PPFIBP1: variants seen among roughly 807,000 people sequenced by gnomAD.
PPFIBP1 encodes the protein PPFIB scaffold protein 1, also known as liprin-beta-1.
PPFIBP1 carries 112 observed loss-of-function variants against 137.8 expected under a neutral mutation model. That is an observed-to-expected ratio of 0.81 (90% CI 0.70 to 0.95). The LOEUF (loss-of-function observed/expected upper bound fraction) is 0.95, where lower values mean the gene tolerates loss of function less well. Ranked by LOEUF, PPFIBP1 falls within the 40% of genes least tolerant of loss-of-function variation. The pLI is 0.00. For synonymous variants in PPFIBP1, 378 were observed against 417.3 expected, an observed-to-expected ratio of 0.91 and a Z score of 1.15; for missense variants, 1,083 against 1,196.6, an observed-to-expected ratio of 0.91 and a Z score of 1.40.
intron 19 of PPFIBP1, 112 bp downstream of exon 19, chr12:27,677,208 G>A: frequency 7.5e-7 from 1 of 1,327,798 alleles, no homozygotes; most frequent in East Asian, 2.3e-5. Flanking sequence ...ATCAGAAAAT[G>A]TAGTTCTCTA....
rs750168275 is a variant in PPFIBP1, at chr12:27,633,350, A to AT, written c.-35-4dup. 1.3e-4 allele frequency: 209 copies of AT among 1,567,440 alleles called. No homozygotes were observed. Among genetic ancestry groups the AT allele is most frequent in the Non-Finnish European group, 7.6e-5 (86 of 1,139,046 alleles). ...ATTTAATGGATGTAATGATAACCTT[A>AT]TTTTTTTTCAGATCTGGGTTGGAAT... On this transcript the variant is annotated splice_polypyrimidine_tract_variant and intron_variant, in intron 2 of 29. Coordinates refer to ENST00000228425, the MANE Select transcript of PPFIBP1 (RefSeq NM_003622.4).
intron 1 of PPFIBP1, among the ~76,000 whole-genome samples, chr12:27,543,633 C>G (rs954011947): frequency 6.6e-6 from 1 of 152,014 alleles, no homozygotes. Context: ...ATATGCTTCA[C>G]CTAAAACATA....
chr12:27,603,418 A>G (rs1407895153), intron 2 of PPFIBP1, among the ~76,000 whole-genome samples: 1 of 152,186 alleles, frequency 6.6e-6, no homozygotes, highest in Admixed American at 6.5e-5. Flanking sequence ...TTCTGGGAAA[A>G]ATGTTTGTAT....
At chr12:27,651,975 C>T (rs1299958886) in intron 7 of PPFIBP1, among the ~76,000 whole-genome samples, 1 of 152,102 alleles carries the variant, frequency 6.6e-6, no homozygotes, top group Non-Finnish European at 1.5e-5. Context: ...CCCTGATAAT[C>T]TAATAAAAAT....
At chr12:27,674,832 T>TTTG (rs60989121) in intron 17 of PPFIBP1, among the ~76,000 whole-genome samples, 1 of 147,108 alleles carries the variant, frequency 6.8e-6, no homozygotes, top group Non-Finnish European at 1.5e-5. Flanking sequence ...TTTTTTTTTT[T>TTTG]GAAATGGTAT....
rs772346180 is a variant in PPFIBP1, at chr12:27,691,942, T to C, written c.2865+14T>C. ...CGGTTAGAGCAGGTAAATCCAACAC[T>C]GTATAACTTTTTGCGAGTTCTTCCA... On this transcript the variant is annotated intron_variant, in intron 28 of 29. Transcript: ENST00000228425. 5.7e-6 allele frequency: 9 copies of C among 1,566,748 alleles called. No individual in the cohort carries two copies. The highest frequency in any genetic ancestry group is 1.2e-5 in the South Asian group (1 of 83,108).
intron 15 of PPFIBP1, among the ~76,000 whole-genome samples, chr12:27,673,359 T>G (rs922868050): frequency 1.3e-5 from 2 of 152,222 alleles, no homozygotes; most frequent in Admixed American, 1.3e-4. Flanking sequence ...CCTTGTGAAT[T>G]GAAAAGTGAA....
intron 2 of PPFIBP1, among the ~76,000 whole-genome samples, chr12:27,622,093 TTTAA>T (rs1450521622): frequency 1.3e-5 from 2 of 152,208 alleles, no homozygotes; most frequent in African/African-American, 4.8e-5. Flanking sequence ...CCACTTGCCG[TTTAA>T]TTGTCTTCAT....
intron 29 of PPFIBP1, 29 bp from the exon 30 acceptor site, chr12:27,692,767 G>A (rs753173485): frequency 6.2e-6 from 10 of 1,614,042 alleles, no homozygotes; most frequent in Non-Finnish European, 8.5e-6. Context: ...TTGGCTCTCA[G>A]TGTGACTCCC....
intron 2 of PPFIBP1, among the ~76,000 whole-genome samples, chr12:27,603,871 A>C (rs2054247604): frequency 1.3e-5 from 2 of 152,192 alleles, no homozygotes; most frequent in Admixed American, 1.3e-4. Context: ...TTGGGTAGAC[A>C]ACCCCCTTGG....
At chr12:27,528,772 T>A (rs533108761) in intron 1 of PPFIBP1, among the ~76,000 whole-genome samples, 44 of 152,298 alleles carry the variant, frequency 2.9e-4, no homozygotes, top group Admixed American at 2.6e-3. Context: ...GTTTACGCAC[T>A]TTTTAGGCAG....
At chr12:27,578,669 G>A (rs568490546) in intron 2 of PPFIBP1, among the ~76,000 whole-genome samples, 404 of 152,238 alleles carry the variant, frequency 2.7e-3, no homozygotes, top group African/African-American at 9.0e-3. Flanking sequence ...GTTTCTCACA[G>A]GCATATTTAC....
intron 1 of PPFIBP1, among the ~76,000 whole-genome samples, chr12:27,553,307 C>T (rs1010351427): frequency 4.6e-5 from 7 of 152,140 alleles, no homozygotes; most frequent in South Asian, 4.2e-4. Flanking sequence ...CCAGCTGGGC[C>T]GGGGATGGTG....
intron 27 of PPFIBP1, among the ~76,000 whole-genome samples, chr12:27,689,882 C>A (rs972973994): frequency 2.0e-5 from 3 of 152,142 alleles, no homozygotes; most frequent in African/African-American, 7.2e-5. Context: ...TCTCCTTTAC[C>A]TTCTTCCCCT....
chr12:27,624,376 C>G (rs533396088), intron 2 of PPFIBP1, among the ~76,000 whole-genome samples: 1 of 152,330 alleles, frequency 6.6e-6, no homozygotes, highest in East Asian at 1.9e-4. Flanking sequence ...TTCAACTTGT[C>G]ACAACTTATC....
chr12:27,594,805 T>C (rs1168517766), intron 2 of PPFIBP1, among the ~76,000 whole-genome samples: 1 of 152,148 alleles, frequency 6.6e-6, no homozygotes, highest in African/African-American at 2.4e-5. Flanking sequence ...TTTCTATTTA[T>C]ATAAACACAC....
At chr12:27,641,401 A>G (rs2058096080) in intron 4 of PPFIBP1, among the ~76,000 whole-genome samples, 1 of 152,184 alleles carries the variant, frequency 6.6e-6, no homozygotes, top group Non-Finnish European at 1.5e-5. Flanking sequence ...GAACCCAGAA[A>G]ATCAAAGGAA....
At chr12:27,611,492 A>G (rs1465481421) in intron 2 of PPFIBP1, among the ~76,000 whole-genome samples, 2 of 152,240 alleles carry the variant, frequency 1.3e-5, no homozygotes, top group South Asian at 2.1e-4. Context: ...TAAAGACCCT[A>G]TATCCAAATA....
At chr12:27,543,169 T>C (rs1945850807) in intron 1 of PPFIBP1, among the ~76,000 whole-genome samples, 1 of 152,218 alleles carries the variant, frequency 6.6e-6, no homozygotes, top group Non-Finnish European at 1.5e-5. Flanking sequence ...CTGAAGAATT[T>C]CAACATGAGG....
Sources: gnomAD v4.1 joint callset for allele counts (sites outside exome capture counted in the v4.1 genomes callset) on GRCh38, gnomAD v4.1.1 for gene constraint, MANE v1.5 for transcripts, NCBI Gene and HGNC (gene_info 2026-07-23, HGNC 2026-07-21) for gene names.